Variants in CCDC81 observed in about 807,000 individuals in gnomAD.
The protein encoded by CCDC81 is coiled-coil domain-containing protein 81.
A neutral mutation model predicts 83.7 loss-of-function variants in CCDC81; 79 were observed. That is an observed-to-expected ratio of 0.94 (90% CI 0.79 to 1.14). The LOEUF is 1.14. Among genes scored for constraint, CCDC81 ranks in the 50% most tolerant of loss-of-function variants. The pLI, the probability that CCDC81 is intolerant of heterozygous loss-of-function variation, is 0.00. For missense variants in CCDC81, 791 were observed against 778.1 expected, an observed-to-expected ratio of 1.02 and a Z score of -0.20; for synonymous variants, 252 against 278.1, an observed-to-expected ratio of 0.91 and a Z score of 0.93.
At chr11:86,387,443 G>C in intron 2 of CCDC81, 73 bp from the exon 3 acceptor site, 1 of 1,447,340 alleles carries the variant, frequency 6.9e-7, no homozygotes, top group Non-Finnish European at 9.6e-7. Flanking sequence ...GTGTTTTTTA[G>C]ATAATAATAT....
rs1305458117 is a variant in CCDC81, at chr11:86,386,572, TG to T, written c.141+463del. Among the ~76,000 whole-genome samples the T allele has an allele frequency of 7.9e-5, 12 of 152,320 alleles. No individual in the cohort carries two copies. In the South Asian group the frequency reaches 2.5e-3, roughly 32 times the overall value. On this transcript the variant is annotated intron_variant, in intron 2 of 14. Transcript: ENST00000445632. ...TGGACTGTTCCCTCCTGTTAAGTCT[TG>T]GGTTTAGATGCCATAGAACTGGACA...
intron 1 of CCDC81, among the ~76,000 whole-genome samples, chr11:86,377,138 C>A (rs1215730721): frequency 6.6e-6 from 1 of 150,900 alleles, no homozygotes; most frequent in East Asian, 1.9e-4. Context: ...CTTTTTAGTT[C>A]TGAATAATAT....
chr11:86,407,561 C>T, intron 7 of CCDC81, 53 bp from the exon 8 acceptor site: 1 of 1,191,382 alleles, frequency 8.4e-7, no homozygotes. Flanking sequence ...ATTATTATTG[C>T]CCTTGAGGTC....
At chr11:86,400,219 T>C (rs1326821390) in intron 6 of CCDC81, among the ~76,000 whole-genome samples, 2 of 152,168 alleles carry the variant, frequency 1.3e-5, no homozygotes, top group Non-Finnish European at 2.9e-5. Flanking sequence ...ATTTATTAAA[T>C]GTATATTATA....
At chr11:86,390,631 C>G (rs1948314858) in intron 3 of CCDC81, among the ~76,000 whole-genome samples, 1 of 152,128 alleles carries the variant, frequency 6.6e-6, no homozygotes, top group African/African-American at 2.4e-5. Context: ...GGTATCTACT[C>G]ATGAGATATT....
At chr11:86,397,794 C>G in intron 6 of CCDC81, 52 bp downstream of exon 6, 1 of 1,573,796 alleles carries the variant, frequency 6.4e-7, no homozygotes, top group Non-Finnish European at 8.6e-7. Context: ...GCTATGAGCC[C>G]AGCCATATTG....
intron 9 of CCDC81, among the ~76,000 whole-genome samples, chr11:86,409,054 C>T (rs919921941): frequency 1.5e-4 from 23 of 152,122 alleles, no homozygotes; most frequent in African/African-American, 5.3e-4. Context: ...GTGGTGGTAC[C>T]TAAAGGCCAA....
At chr11:86,417,312 A>T (rs1361610785) in intron 13 of CCDC81, among the ~76,000 whole-genome samples, 1 of 151,850 alleles carries the variant, frequency 6.6e-6, no homozygotes, top group Admixed American at 6.6e-5. Flanking sequence ...AAATAGGAAA[A>T]TTTTTTAAAT....
chr11:86,378,016 C>T (rs1157076501), intron 1 of CCDC81, among the ~76,000 whole-genome samples: 4 of 83,146 alleles, frequency 4.8e-5, no homozygotes, highest in African/African-American at 1.8e-4. Flanking sequence ...GTTGTTCTAG[C>T]AATGTTTGTT....
At chr11:86,403,529 A>C (rs190417577) in intron 7 of CCDC81, among the ~76,000 whole-genome samples, 1 of 152,312 alleles carries the variant, frequency 6.6e-6, no homozygotes, top group Admixed American at 6.5e-5. Context: ...TAGAGGGATA[A>C]GATTAGCAGC....
At chr11:86,382,215 T>C (rs1948185863) in intron 1 of CCDC81, among the ~76,000 whole-genome samples, 1 of 152,154 alleles carries the variant, frequency 6.6e-6, no homozygotes, top group Non-Finnish European at 1.5e-5. Flanking sequence ...TTGGAAAAGA[T>C]TACTCTGGTT....
At chr11:86,401,302 T>C (rs1224208427) in intron 7 of CCDC81, among the ~76,000 whole-genome samples, 1 of 152,104 alleles carries the variant, frequency 6.6e-6, no homozygotes, top group African/African-American at 2.4e-5. Context: ...ATTTCTAAAA[T>C]ATTTTATCCT....
chr11:86,397,775 CTCTT>C (rs750495942), intron 6 of CCDC81, 33 bp downstream of exon 6: 6 of 1,600,566 alleles, frequency 3.7e-6, no homozygotes, highest in Non-Finnish European at 4.3e-6. Flanking sequence ...CAATCTGTCA[CTCTT>C]TACTGCTATG....
At chr11:86,387,149 G>A (rs797002416) in intron 2 of CCDC81, among the ~76,000 whole-genome samples, 1 of 152,190 alleles carries the variant, frequency 6.6e-6, no homozygotes, top group Admixed American at 6.5e-5. Flanking sequence ...AGATTCTCAT[G>A]CCCTCTTAAA....
rs373495822 is a variant in CCDC81, at chr11:86,412,609, G to A, written c.1391+50G>A. 62 of 1,477,674 alleles carry A rather than the reference G, an allele frequency of 4.2e-5. 2 individuals carry two copies. The highest frequency in any genetic ancestry group is 3.1e-4 in the East Asian group (13 of 42,428). The allele number at this position is 1,477,674 out of a possible 1,614,324, so 91.5% of individuals were successfully genotyped here. A position where few individuals can be genotyped will look rare whatever the true frequency, so the allele number is the denominator to read the frequency against. On this transcript the variant is annotated intron_variant, in intron 11 of 14. Transcript: ENST00000445632. ...ACAAATGGATTTGGAATTTTCATGT[G>A]AAGTTACTTTTCATGTAGGATTGAA... is the stretch of plus-strand genomic sequence containing the variant.
chr11:86,401,282 A>G lies in CCDC81; in HGVS notation c.881+481A>G, dbSNP rs905674925. 4.6e-5 allele frequency among the ~76,000 whole-genome samples: 7 copies of G among 152,118 alleles called. No individual in the cohort carries two copies. The South Asian group carries it at 1.5e-3, about 32-fold the overall frequency. ...ATGGTCGTTTTCTTCTTGTGATGGT[A>G]TGTCAAAAGATTTCTAAAATATTTT... is the stretch of plus-strand genomic sequence containing the variant. On this transcript the variant is annotated intron_variant, in intron 7 of 14. Transcript: ENST00000445632.
Position 86,416,528 on chromosome 11 carries a change from C to T in CCDC81, c.1691+1215C>T, listed in dbSNP as rs556021603. Among the ~76,000 whole-genome samples the T allele has an allele frequency of 2.0e-5, 3 of 152,308 alleles. No homozygotes were observed. In the South Asian group the frequency reaches 6.2e-4, roughly 32 times the overall value. On this transcript the variant is annotated intron_variant, in intron 13 of 14. Coordinates refer to ENST00000445632, the MANE Select transcript of CCDC81 (RefSeq NM_001156474.2). ...AAGTTGTATGACTTGGGCCAGATCACATGTAAGGTCTCTGAGCCTTATTGT... is the reference window on the plus strand; with the variant it reads ...AAGTTGTATGACTTGGGCCAGATCATATGTAAGGTCTCTGAGCCTTATTGT...
intron 7 of CCDC81, among the ~76,000 whole-genome samples, chr11:86,403,177 T>C (rs1482142663): frequency 2.0e-5 from 3 of 151,998 alleles, no homozygotes; most frequent in Admixed American, 6.6e-5. Flanking sequence ...ATCTTGTTTC[T>C]TGGCCATTTG....
chr11:86,403,295 A>G (rs1446863944), intron 7 of CCDC81, among the ~76,000 whole-genome samples: 2 of 152,002 alleles, frequency 1.3e-5, no homozygotes, highest in Non-Finnish European at 2.9e-5. Context: ...TTCATATATC[A>G]TAAGTATGAA....
Sources: gnomAD v4.1 joint callset for allele counts (sites outside exome capture counted in the v4.1 genomes callset) on GRCh38, gnomAD v4.1.1 for gene constraint, MANE v1.5 for transcripts, NCBI Gene and HGNC (gene_info 2026-07-23, HGNC 2026-07-21) for gene names.